Variants in CYP39A1 observed in about 807,000 individuals in gnomAD.
CYP39A1 encodes the protein 24-hydroxycholesterol 7-alpha-hydroxylase.
Under a neutral mutation model 58.1 loss-of-function variants are expected in CYP39A1, and 49 were observed. The observed-to-expected ratio is 0.84, with a 90% CI of 0.67 to 1.07. The LOEUF is 1.07. Among genes scored for constraint, CYP39A1 ranks in the 50% least tolerant of loss-of-function variants. The pLI is 0.00. For missense variants in CYP39A1, 531 were observed against 539.4 expected (o/e 0.98, Z 0.16); for synonymous variants, 209 against 187.6 (o/e 1.11, Z -0.93).
At chr6:46,575,074 G>C (rs1771782206) in intron 10 of CYP39A1, among the ~76,000 whole-genome samples, 1 of 152,128 alleles carries the variant, frequency 6.6e-6, no homozygotes, top group Admixed American at 6.5e-5. Flanking sequence ...GCCTCCTAAA[G>C]AAAGGGTAAG....
chr6:46,638,004 G>T (rs374464825), intron 3 of CYP39A1, 26 bp from the exon 4 acceptor site: 3 of 1,579,012 alleles, frequency 1.9e-6, no homozygotes, highest in African/African-American at 2.8e-5. Context: ...CACACAAAAA[G>T]TCAGACCCGA....
At chr6:46,630,052 C>T (rs1329480375) in intron 6 of CYP39A1, among the ~76,000 whole-genome samples, 6 of 152,050 alleles carry the variant, frequency 3.9e-5, no homozygotes, top group East Asian at 1.9e-4. Context: ...GCCGAGATCA[C>T]GCCATTGCAC....
chr6:46,640,137 C>T (rs1776241243), intron 2 of CYP39A1, among the ~76,000 whole-genome samples: 2 of 152,028 alleles, frequency 1.3e-5, no homozygotes, highest in African/African-American at 4.8e-5. Flanking sequence ...AAAGATTCAA[C>T]GTATTCTGTG....
Position 46,652,425 on chromosome 6 carries a change from A to G in CYP39A1, c.158T>C (p.Ile53Thr). The change falls in exon 1 of 12, where the codon ATA becomes ACA. Residue 53 changes from isoleucine (I) to threonine (T), a missense_variant. Coordinates refer to ENST00000275016, the MANE Select transcript of CYP39A1 (RefSeq NM_016593.5). Reference sequence around the variant, plus strand: ...ACATACCTTGATTCTTGCTTTCTCTATAAATTCTAGAGGGGCTTTCCCAAA... The same window carrying G: ...ACATACCTTGATTCTTGCTTTCTCTGTAAATTCTAGAGGGGCTTTCCCAAA... ...FEFGKAPLEF[I>T]EKARIKYGPI... 1 of 1,612,790 alleles carries G rather than the reference A, an allele frequency of 6.2e-7. No individual in the cohort carries two copies.
intron 10 of CYP39A1, among the ~76,000 whole-genome samples, chr6:46,563,472 G>A (rs193070228): frequency 2.6e-5 from 4 of 152,176 alleles, no homozygotes; most frequent in African/African-American, 9.6e-5. Context: ...TGGTACTTGC[G>A]TATTTTCTGC....
intron 7 of CYP39A1, among the ~76,000 whole-genome samples, chr6:46,597,927 T>C (rs73469109): frequency 0.071 from 10,838 of 152,198 alleles, 883 homozygotes; most frequent in African/African-American, 0.2. Context: ...AGATAAGCAC[T>C]TTTATGGGAT....
intron 10 of CYP39A1, among the ~76,000 whole-genome samples, chr6:46,562,197 AT>A (rs984215156): frequency 5.9e-5 from 9 of 152,098 alleles, no homozygotes; most frequent in Middle Eastern, 3.4e-3. Context: ...TAACTTTTGT[AT>A]TTTTAGTACA....
chr6:46,595,966 T>G, intron 8 of CYP39A1, 21 bp downstream of exon 8: 1 of 1,603,048 alleles, frequency 6.2e-7, no homozygotes, highest in South Asian at 1.1e-5. Context: ...TTGATTCATT[T>G]AAAACCAAAC....
At chr6:46,616,282 T>TCCTTCCTC (rs1237614250) in intron 7 of CYP39A1, among the ~76,000 whole-genome samples, 2 of 116,340 alleles carry the variant, frequency 1.7e-5, no homozygotes, top group African/African-American at 7.9e-5. Context: ...CTTCCTTCCT[T>TCCTTCCTC]CATCTTGCTC....
At chr6:46,607,155 A>G (rs1561985634) in intron 7 of CYP39A1, among the ~76,000 whole-genome samples, 2 of 152,178 alleles carry the variant, frequency 1.3e-5, no homozygotes, top group Admixed American at 6.5e-5. Context: ...GGGAATGAGA[A>G]ACACACGGCC....
rs3085603 is a variant in CYP39A1, at chr6:46,650,111, T to TACACACACACACACACACAC, written c.177+2275_177+2294dup. ...TGGATGTTAAGACAATTACTACATTTACACACACACACACACACACACACA... is the reference window on the plus strand; with the variant it reads ...TGGATGTTAAGACAATTACTACATTTACACACACACACACACACACACACACACACACACACACACACACA... On this transcript the variant is annotated intron_variant, in intron 1 of 11. Transcript: ENST00000275016. 5.4e-4 allele frequency among the ~76,000 whole-genome samples: 80 copies of TACACACACACACACACACAC among 147,042 alleles called. 1 individual carries two copies. Among genetic ancestry groups the TACACACACACACACACACAC allele is most frequent in the East Asian group, 1.2e-3 (6 of 4,962 alleles).
At chr6:46,576,194 C>A in intron 10 of CYP39A1, among the ~76,000 whole-genome samples, 1 of 152,050 alleles carries the variant, frequency 6.6e-6, no homozygotes, top group East Asian at 1.9e-4. Context: ...AGGACAGAGC[C>A]AAGAGGGATG....
intron 8 of CYP39A1, among the ~76,000 whole-genome samples, chr6:46,594,608 T>A (rs1459468791): frequency 6.6e-6 from 1 of 152,006 alleles, no homozygotes; most frequent in East Asian, 1.9e-4. Flanking sequence ...GACATCCACA[T>A]TTATAAGAAT....
At chr6:46,580,854 C>T (rs867664033) in intron 10 of CYP39A1, among the ~76,000 whole-genome samples, 5 of 152,044 alleles carry the variant, frequency 3.3e-5, no homozygotes, top group Admixed American at 2.6e-4. Flanking sequence ...AAATAACAGA[C>T]GTTGGTGAGG....
chr6:46,605,147 T>C (rs544000714), intron 7 of CYP39A1, among the ~76,000 whole-genome samples: 3 of 152,262 alleles, frequency 2.0e-5, no homozygotes, highest in East Asian at 1.9e-4. Context: ...TCTTCTAGAA[T>C]GTACTCTAGA....
intron 7 of CYP39A1, among the ~76,000 whole-genome samples, chr6:46,614,683 T>C (rs541190816): frequency 6.6e-6 from 1 of 152,132 alleles, no homozygotes; most frequent in African/African-American, 2.4e-5. Flanking sequence ...ACTTTCTATA[T>C]TTTATCAGCA....
intron 6 of CYP39A1, among the ~76,000 whole-genome samples, chr6:46,627,940 A>C (rs1248143798): frequency 6.6e-6 from 1 of 152,170 alleles, no homozygotes; most frequent in East Asian, 1.9e-4. Context: ...TATTTTGTAA[A>C]ACAGTTCAAG....
chr6:46,635,416 C>A (rs1396945707), intron 5 of CYP39A1, among the ~76,000 whole-genome samples: 1 of 152,032 alleles, frequency 6.6e-6, no homozygotes, highest in Admixed American at 6.5e-5. Flanking sequence ...GTGGGCAGAC[C>A]CTGGCCTCAG....
Position 46,637,913 on chromosome 6 carries a change from T to G in CYP39A1, c.554A>C (p.Lys185Thr). 1 of 1,613,352 alleles carries G rather than the reference T, an allele frequency of 6.2e-7. No individual in the cohort carries two copies. The highest frequency in any genetic ancestry group is 8.5e-7 in the Non-Finnish European group (1 of 1,179,840). ...FNKSLFSTNK[K>T]KIKEFHQYFQ... ...ATACTGATGGAACTCCTTGATTTTT[T>G]TCTTGTTTGTGGAAAACAAACTTTT... The change falls in exon 4 of 12, where the codon AAA (lysine) becomes ACA (threonine). Residue 185 changes from lysine (K) to threonine (T), a missense_variant. Coordinates refer to ENST00000275016, the MANE Select transcript of CYP39A1 (RefSeq NM_016593.5).
Sources: allele counts gnomAD v4.1 joint callset (sites outside exome capture counted in the v4.1 genomes callset), GRCh38; gene constraint gnomAD v4.1.1; transcripts MANE v1.5; gene names NCBI Gene and HGNC (gene_info 2026-07-23, HGNC 2026-07-21).